DNAAF9: variants seen among roughly 807,000 people sequenced by gnomAD.
DNAAF9 encodes the protein dynein axonemal assembly factor 9, also known as shulin.
In DNAAF9, 90 loss-of-function variants were observed where a neutral mutation model predicts 167.0. The observed-to-expected ratio is 0.54, with a 90% CI of 0.45 to 0.64. DNAAF9 has a LOEUF of 0.64. Ranked by LOEUF, DNAAF9 falls within the 30% of genes least tolerant of loss-of-function variation. The pLI is 0.00. For missense variants in DNAAF9, 1,315 were observed against 1,442.2 expected, an observed-to-expected ratio of 0.91 and a Z score of 1.43; for synonymous variants, 491 against 508.8, an observed-to-expected ratio of 0.96 and a Z score of 0.47.
chr20:3,353,639 C>T (rs1182907492), intron 7 of DNAAF9, among the ~76,000 whole-genome samples: 5 of 99,804 alleles, frequency 5.0e-5, no homozygotes, highest in African/African-American at 9.0e-5. Context: ...CCGCACCACC[C>T]CCCCCCCCGC....
intron 9 of DNAAF9, among the ~76,000 whole-genome samples, chr20:3,342,297 G>A (rs1241975660): frequency 6.6e-6 from 1 of 152,150 alleles, no homozygotes; most frequent in Admixed American, 6.5e-5. Context: ...CCTGCAGGGG[G>A]CTGGGCTCTC....
chr20:3,329,416 C>G (rs1443712460), intron 12 of DNAAF9, among the ~76,000 whole-genome samples: 1 of 152,192 alleles, frequency 6.6e-6, no homozygotes, highest in African/African-American at 2.4e-5. Context: ...GCCTCGGCCC[C>G]CCAGAGTCCT....
chr20:3,296,278 A>T (rs909860604), intron 23 of DNAAF9: 6 of 407,156 alleles, frequency 1.5e-5, no homozygotes, highest in Non-Finnish European at 2.9e-5. Context: ...GCCCCCCAAG[A>T]CAGGTGAGAC....
chr20:3,358,747 G>A (rs190089654), intron 7 of DNAAF9, among the ~76,000 whole-genome samples: 1 of 152,188 alleles, frequency 6.6e-6, no homozygotes. Context: ...CATACCTAAT[G>A]CCCAGATCTT....
At chr20:3,379,916 G>A (rs2083624792) in intron 3 of DNAAF9, among the ~76,000 whole-genome samples, 1 of 152,090 alleles carries the variant, frequency 6.6e-6, no homozygotes, top group South Asian at 2.1e-4. Context: ...AAATTAGCTG[G>A]GCATGGTGGT....
At chr20:3,389,113 C>T (rs770025279) in intron 1 of DNAAF9, among the ~76,000 whole-genome samples, 26 of 151,676 alleles carry the variant, frequency 1.7e-4, no homozygotes, top group Non-Finnish European at 2.5e-4. Context: ...GGATTACAGG[C>T]GCCCGCCACC....
intron 31 of DNAAF9, among the ~76,000 whole-genome samples, chr20:3,263,205 A>G (rs531129982): frequency 6.6e-6 from 1 of 151,970 alleles, no homozygotes; most frequent in East Asian, 1.9e-4. Flanking sequence ...CGATCTTCTG[A>G]CCTTGTGATC....
At chr20:3,387,884 T>TAAAAAAAAAAAAAAAAAAAAAAAAAAA in intron 1 of DNAAF9, among the ~76,000 whole-genome samples, 1 of 87,368 alleles carries the variant, frequency 1.1e-5, no homozygotes, top group East Asian at 4.3e-4. Flanking sequence ...CTACAAAAAG[T>TAAAAAAAAAAAAAAAAAAAAAAAAAAA]AAAAAAAAAA....
At chr20:3,368,848 T>A (rs972746541) in intron 6 of DNAAF9, among the ~76,000 whole-genome samples, 4 of 149,292 alleles carry the variant, frequency 2.7e-5, no homozygotes, top group African/African-American at 9.9e-5. Context: ...TATTCTTTCA[T>A]CCAGGCTGGG....
chr20:3,313,827 A>G (rs2069455152), intron 20 of DNAAF9, among the ~76,000 whole-genome samples: 1 of 152,194 alleles, frequency 6.6e-6, no homozygotes, highest in Admixed American at 6.5e-5. Context: ...ACAGCGGTGT[A>G]GCTATAAGCT....
At chr20:3,362,888 G>A (rs1423433322) in intron 6 of DNAAF9, among the ~76,000 whole-genome samples, 3 of 152,072 alleles carry the variant, frequency 2.0e-5, no homozygotes, top group Admixed American at 2.0e-4. Context: ...CCTCTTTCTT[G>A]GTTAACTACC....
chr20:3,353,640 C>A (rs372685371), intron 7 of DNAAF9, among the ~76,000 whole-genome samples: 23 of 129,356 alleles, frequency 1.8e-4, no homozygotes, highest in East Asian at 1.5e-3. Flanking sequence ...CGCACCACCC[C>A]CCCCCCCGCA....
Position 3,259,917 on chromosome 20 carries a change from C to T in DNAAF9, c.2980+5G>A. 1.9e-6 allele frequency: 3 copies of T among 1,561,852 alleles called. No individual in the cohort carries two copies. Among genetic ancestry groups the T allele is most frequent in the Non-Finnish European group, 2.6e-6 (3 of 1,132,354 alleles). ...AGTGTCTAGGACATCTCAGTCAAGG[C>T]TTACCTTTACATTTGGCCACAAAGC... On this transcript the variant is annotated splice_donor_5th_base_variant and intron_variant, in intron 32 of 36. Transcript: ENST00000252032.
chr20:3,330,584 C>T, intron 12 of DNAAF9, 62 bp downstream of exon 12: 2 of 970,522 alleles, frequency 2.1e-6, no homozygotes, highest in Non-Finnish European at 3.3e-6. Context: ...AGGAAGTACA[C>T]AGGACAGTCA....
rs767487505 is a variant in DNAAF9 at position 3,294,583 on chromosome 20, C to T, written c.2065G>A (p.Gly689Arg). The T allele has an allele frequency of 6.2e-7, 1 of 1,613,946 alleles. No homozygotes were observed. Among genetic ancestry groups the T allele is most frequent in the Non-Finnish European group, 8.5e-7 (1 of 1,179,842 alleles). Residue 689 changes from glycine (G) to arginine (R), a missense_variant, in exon 24 of 37, where the codon GGG becomes AGG. By Grantham distance (125) the Gly-to-Arg change is moderately radical. Coordinates refer to ENST00000252032, the MANE Select transcript of DNAAF9 (RefSeq NM_001009984.3). ...KLFSALSQPA[G>R]EKRSSLKLLS... ...AACTTTAGGGAACTCCGTTTCTCCC[C>T]AGCAGGCTGGCTCAGGGCACTGAAG...
intron 21 of DNAAF9, among the ~76,000 whole-genome samples, chr20:3,303,611 G>A (rs1156583037): frequency 6.6e-6 from 1 of 152,200 alleles, no homozygotes; most frequent in Non-Finnish European, 1.5e-5. Flanking sequence ...CAGCCTTTAA[G>A]GCTGCAGGCT....
chr20:3,345,217 T>A (rs1331970176), intron 8 of DNAAF9, among the ~76,000 whole-genome samples: 1 of 152,132 alleles, frequency 6.6e-6, no homozygotes, highest in East Asian at 1.9e-4. Flanking sequence ...AGGGTTTCAC[T>A]ATGTTAGTCA....
intron 23 of DNAAF9, among the ~76,000 whole-genome samples, chr20:3,295,000 G>A (rs1323478678): frequency 6.6e-6 from 1 of 151,662 alleles, no homozygotes; most frequent in African/African-American, 2.4e-5. Context: ...CAAGTAGCTG[G>A]GACTACAGGT....
chr20:3,260,612 C>T (rs2068368009), intron 31 of DNAAF9, among the ~76,000 whole-genome samples: 1 of 151,846 alleles, frequency 6.6e-6, no homozygotes, highest in African/African-American at 2.4e-5. Context: ...GGGGCTCTTG[C>T]TCAGGATGCC....
Sources: gnomAD v4.1 joint callset for allele counts (sites outside exome capture counted in the v4.1 genomes callset) on GRCh38, gnomAD v4.1.1 for gene constraint, MANE v1.5 for transcripts, NCBI Gene and HGNC (gene_info 2026-07-23, HGNC 2026-07-21) for gene names.